Variants in FLT1 observed in about 807,000 individuals in gnomAD.
The protein encoded by FLT1 is vascular endothelial growth factor receptor 1.
In FLT1, 49 loss-of-function variants were observed where a neutral mutation model predicts 156.3. That is an observed-to-expected ratio of 0.31 (90% CI 0.25 to 0.40). FLT1 has a LOEUF of 0.40. Among genes scored for constraint, FLT1 ranks in the 10% least tolerant of loss-of-function variants. The pLI is 1.00. For missense variants in FLT1, 1,322 were observed against 1,637.2 expected (o/e 0.81, Z 3.32); for synonymous variants, 594 against 583.8 (o/e 1.02, Z -0.25).
intron 14 of FLT1, among the ~76,000 whole-genome samples, chr13:28,374,765 G>A (rs558670810): frequency 9.2e-5 from 14 of 151,980 alleles, no homozygotes; most frequent in Non-Finnish European, 1.6e-4. Flanking sequence ...CGCCCACCTC[G>A]GCCTCCCAAA....
At chr13:28,467,176 A>AG in intron 2 of FLT1, 47 bp from the exon 3 acceptor site, 5 of 1,386,046 alleles carry the variant, frequency 3.6e-6, no homozygotes, top group Non-Finnish European at 5.1e-6. Flanking sequence ...GCTGGGCCCT[A>AG]GGCTCAGCAC....
At chr13:28,450,895 C>T (rs1441243218) in intron 3 of FLT1, among the ~76,000 whole-genome samples, 4 of 152,190 alleles carry the variant, frequency 2.6e-5, no homozygotes, top group Non-Finnish European at 5.9e-5. Flanking sequence ...CTGGCCCTGA[C>T]ACTCCTCAAT....
At chr13:28,313,959 G>A (rs1055291476) in intron 25 of FLT1, among the ~76,000 whole-genome samples, 9 of 151,758 alleles carry the variant, frequency 5.9e-5, no homozygotes, top group Non-Finnish European at 1.3e-4. Context: ...TGCTTTGGGA[G>A]GCCATGGTGG....
chr13:28,492,724 C>G (rs1881536833), intron 1 of FLT1, among the ~76,000 whole-genome samples: 1 of 152,196 alleles, frequency 6.6e-6, no homozygotes. Context: ...GATATGCAGC[C>G]TCTCAGTTGA....
chr13:28,435,601 C>T (rs140897947), intron 4 of FLT1, among the ~76,000 whole-genome samples: 60 of 152,292 alleles, frequency 3.9e-4, no homozygotes, highest in Non-Finnish European at 1.6e-4. Context: ...AAAAAGTACA[C>T]CTGGCATCCC....
chr13:28,455,151 T>C (rs1419534108), intron 3 of FLT1, among the ~76,000 whole-genome samples: 1 of 152,100 alleles, frequency 6.6e-6, no homozygotes, highest in Non-Finnish European at 1.5e-5. Context: ...GACAAACTGA[T>C]CCTAAAGTTT....
intron 1 of FLT1, among the ~76,000 whole-genome samples, chr13:28,487,039 G>A (rs958146929): frequency 6.6e-6 from 1 of 152,196 alleles, no homozygotes; most frequent in African/African-American, 2.4e-5. Context: ...AGCTAGTTTT[G>A]CAAGCCCACC....
At chr13:28,391,547 T>A (rs1367438612) in intron 12 of FLT1, among the ~76,000 whole-genome samples, 1 of 152,256 alleles carries the variant, frequency 6.6e-6, no homozygotes, top group Non-Finnish European at 1.5e-5. Context: ...CATATATTGA[T>A]TGATGTCTCA....
At chr13:28,321,955 A>G (rs555512071) in intron 22 of FLT1, among the ~76,000 whole-genome samples, 21 of 152,348 alleles carry the variant, frequency 1.4e-4, no homozygotes, top group Middle Eastern at 3.4e-3. Context: ...TAGCTCTCCT[A>G]TGAAGTCATG....
chr13:28,489,532 C>T (rs73160006), intron 1 of FLT1, among the ~76,000 whole-genome samples: 3,278 of 152,220 alleles, frequency 0.022, 56 homozygotes, highest in Middle Eastern at 0.041. Flanking sequence ...ATGGCAAGTG[C>T]TGTCTGGGAG....
chr13:28,483,428 A>G (rs1233405094), intron 1 of FLT1, among the ~76,000 whole-genome samples: 2 of 152,182 alleles, frequency 1.3e-5, no homozygotes, highest in Non-Finnish European at 2.9e-5. Context: ...ACCATTCCGT[A>G]TAATTTCCAT....
chr13:28,490,345 A>G (rs1881400419), intron 1 of FLT1, among the ~76,000 whole-genome samples: 1 of 152,222 alleles, frequency 6.6e-6, no homozygotes, highest in Non-Finnish European at 1.5e-5. Flanking sequence ...AATTCTTGAC[A>G]TCTCCCCACA....
chr13:28,466,386 T>C (rs2137620745), intron 3 of FLT1, among the ~76,000 whole-genome samples: 1 of 152,324 alleles, frequency 6.6e-6, no homozygotes, highest in East Asian at 1.9e-4. Context: ...CCAGTTCTCA[T>C]GTCATTATAG....
intron 13 of FLT1, chr13:28,386,781 A>AAC: frequency 9.5e-7 from 1 of 1,053,946 alleles, no homozygotes; most frequent in African/African-American, 1.7e-5. Context: ...GATCATAAAG[A>AAC]ACAGTATCAT....
chr13:28,430,638 G>A (rs897416108), intron 7 of FLT1, among the ~76,000 whole-genome samples: 1 of 152,112 alleles, frequency 6.6e-6, no homozygotes, highest in Non-Finnish European at 1.5e-5. Flanking sequence ...TTCAGCAATG[G>A]AAATAAGGTC....
chr13:28,430,190 T>C, intron 7 of FLT1, 23 bp from the exon 8 acceptor site: 1 of 1,516,350 alleles, frequency 6.6e-7, no homozygotes, highest in Non-Finnish European at 9.2e-7. Flanking sequence ...AAGTGATACA[T>C]ACATTAGAAA....
chr13:28,448,186 GA>G (rs1878723744), intron 3 of FLT1, among the ~76,000 whole-genome samples: 1 of 152,220 alleles, frequency 6.6e-6, no homozygotes, highest in Admixed American at 6.5e-5. Context: ...ACCCACTTTG[GA>G]AAGCAGTCTG....
Position 28,431,140 on chromosome 13 carries a change from T to C in FLT1, c.984A>G (p.Ile328Met). The C allele has an allele frequency of 6.2e-7, 1 of 1,612,130 alleles. No individual in the cohort carries two copies. Among genetic ancestry groups the C allele is most frequent in the Non-Finnish European group, 8.5e-7 (1 of 1,178,212 alleles). Reference sequence around the variant, plus strand: ...GCAACGCTGAACTATGCTTACCATATATATGCACTGAGGTGTTAACAGATT... The same window carrying C: ...GCAACGCTGAACTATGCTTACCATACATATGCACTGAGGTGTTAACAGATT... ...SFKSVNTSVH[I>M]YDKAFITVKH... is the part of the protein sequence containing the mutation. The change falls in exon 7 of 30, where the codon ATA becomes ATG. Residue 328 changes from isoleucine (I) to methionine (M), a missense_variant. Physicochemically the swap from Ile to Met is conservative, Grantham distance 10 (BLOSUM62 1). Coordinates refer to ENST00000282397, the MANE Select transcript of FLT1 (RefSeq NM_002019.4).
intron 11 of FLT1, among the ~76,000 whole-genome samples, chr13:28,400,953 C>T (rs555831860): frequency 2.0e-5 from 3 of 152,250 alleles, no homozygotes; most frequent in Non-Finnish European, 2.9e-5. Flanking sequence ...AGGCCTGATG[C>T]GGCGGCTCAG....
Sources: gnomAD v4.1 joint callset for allele counts (sites outside exome capture counted in the v4.1 genomes callset) on GRCh38, gnomAD v4.1.1 for gene constraint, MANE v1.5 for transcripts, NCBI Gene and HGNC (gene_info 2026-07-23, HGNC 2026-07-21) for gene names.